The following ZBTB20 variants were observed in gnomAD, a reference collection of about 807,000 sequenced individuals.
The protein encoded by ZBTB20 is zinc finger and BTB domain-containing protein 20.
A neutral mutation model predicts 56.9 loss-of-function variants in ZBTB20; 9 were observed. That is an observed-to-expected ratio of 0.16 (90% CI 0.10 to 0.28). The LOEUF (loss-of-function observed/expected upper bound fraction) is 0.28, where lower values mean the gene tolerates loss of function less well. Ranked by LOEUF, ZBTB20 falls within the 10% of genes least tolerant of loss-of-function variation. The pLI, the probability that ZBTB20 is intolerant of heterozygous loss-of-function variation, is 1.00. For synonymous variants in ZBTB20, 417 were observed against 420.7 expected (o/e 0.99, Z 0.11); for missense variants, 655 against 1,003.0 (o/e 0.65, Z 4.69).
intron 4 of ZBTB20, among the ~76,000 whole-genome samples, chr3:114,807,645 C>A (rs965139325): frequency 6.6e-6 from 1 of 152,150 alleles, no homozygotes; most frequent in African/African-American, 2.4e-5. Context: ...TTCATAGATG[C>A]CCTTTGTCAG....
chr3:114,542,852 T>C (rs888074552), intron 6 of ZBTB20, among the ~76,000 whole-genome samples: 4 of 152,168 alleles, frequency 2.6e-5, no homozygotes, highest in African/African-American at 9.7e-5. Context: ...ACTGGTAACT[T>C]ACTGCACTGT....
chr3:115,145,610 C>T (rs1352698599), intron 1 of ZBTB20, among the ~76,000 whole-genome samples: 1 of 152,130 alleles, frequency 6.6e-6, no homozygotes, highest in Non-Finnish European at 1.5e-5. Flanking sequence ...CCCCCACACC[C>T]AAAATATTTT....
intron 1 of ZBTB20, among the ~76,000 whole-genome samples, chr3:115,097,604 G>A (rs1390047959): frequency 1.3e-5 from 2 of 152,122 alleles, no homozygotes; most frequent in African/African-American, 4.8e-5. Context: ...ACTTCTTAGA[G>A]CACTTCCTCA....
chr3:115,111,229 T>C (rs2083874004), intron 1 of ZBTB20, among the ~76,000 whole-genome samples: 1 of 152,012 alleles, frequency 6.6e-6, no homozygotes. Context: ...CTATGTGAAA[T>C]TTGAATATCA....
intron 7 of ZBTB20, among the ~76,000 whole-genome samples, chr3:114,484,026 G>A (rs1256482482): frequency 6.6e-6 from 1 of 151,930 alleles, no homozygotes; most frequent in Non-Finnish European, 1.5e-5. Flanking sequence ...TGACAAATTG[G>A]CACATGCACA....
At chr3:114,865,274 T>A (rs2075718829) in intron 4 of ZBTB20, among the ~76,000 whole-genome samples, 1 of 152,132 alleles carries the variant, frequency 6.6e-6, no homozygotes, top group South Asian at 2.1e-4. Flanking sequence ...CAAACACATT[T>A]GTCTAAAAAC....
intron 6 of ZBTB20, among the ~76,000 whole-genome samples, chr3:114,501,677 C>T (rs372970715): frequency 8.4e-5 from 12 of 143,594 alleles, no homozygotes; most frequent in African/African-American, 2.8e-4. Flanking sequence ...TAGGACTGGT[C>T]TGCCCATCAT....
intron 3 of ZBTB20, chr3:114,900,709 C>A (rs2075083542): frequency 6.6e-6 from 1 of 151,880 alleles, no homozygotes; most frequent in East Asian, 1.9e-4. Flanking sequence ...ACAAATATGA[C>A]TGCTGCTCTC....
At chr3:114,670,330 T>C (rs2061295345) in intron 6 of ZBTB20, among the ~76,000 whole-genome samples, 1 of 152,064 alleles carries the variant, frequency 6.6e-6, no homozygotes, top group Non-Finnish European at 1.5e-5. Flanking sequence ...AATCATATCT[T>C]ACTGAGGAGG....
At chr3:114,672,285 G>A (rs913284183) in intron 6 of ZBTB20, among the ~76,000 whole-genome samples, 3 of 152,022 alleles carry the variant, frequency 2.0e-5, no homozygotes, top group South Asian at 2.1e-4. Flanking sequence ...GCCCACTCAC[G>A]TAAACAGGAA....
At chr3:114,995,801 G>A (rs1375974450) in intron 2 of ZBTB20, among the ~76,000 whole-genome samples, 2 of 151,622 alleles carry the variant, frequency 1.3e-5, no homozygotes, top group Non-Finnish European at 2.9e-5. Flanking sequence ...TTATTTTGTA[G>A]GATACTAACC....
At chr3:114,797,576 A>G (rs2071414183) in intron 5 of ZBTB20, among the ~76,000 whole-genome samples, 1 of 151,984 alleles carries the variant, frequency 6.6e-6, no homozygotes, top group South Asian at 2.1e-4. Context: ...GAATTCCTTA[A>G]TAACAGAAAA....
intron 2 of ZBTB20, among the ~76,000 whole-genome samples, chr3:114,978,888 T>G (rs1268794887): frequency 6.6e-6 from 1 of 151,834 alleles, no homozygotes; most frequent in African/African-American, 2.4e-5. Flanking sequence ...AAAGAAAAAT[T>G]TAATTTATAT....
chr3:114,773,669 A>T (rs1236740126), intron 5 of ZBTB20, among the ~76,000 whole-genome samples: 1 of 152,190 alleles, frequency 6.6e-6, no homozygotes, highest in Non-Finnish European at 1.5e-5. Flanking sequence ...TCTCTTCAAC[A>T]GGAAAAATCT....
At chr3:115,046,127 T>C (rs2108413644) in intron 2 of ZBTB20, among the ~76,000 whole-genome samples, 1 of 152,290 alleles carries the variant, frequency 6.6e-6, no homozygotes, top group Admixed American at 6.5e-5. Context: ...GAGATGGCTC[T>C]GTCAGGTAGT....
intron 4 of ZBTB20, among the ~76,000 whole-genome samples, chr3:114,834,725 C>A (rs763492395): frequency 6.6e-6 from 1 of 152,034 alleles, no homozygotes; most frequent in African/African-American, 2.4e-5. Context: ...TGGACCCTCA[C>A]GCTCCTGAGA....
At position 115,043,306 on chromosome 3, in the gene ZBTB20, C is replaced by T. The variant is rs549459405; in HGVS notation, c.-507+27913G>A. 2.0e-5 allele frequency among the ~76,000 whole-genome samples: 3 copies of T among 152,068 alleles called. No homozygotes were observed. In the South Asian group the frequency reaches 6.2e-4, roughly 32 times the overall value. On this transcript the variant is annotated intron_variant, in intron 2 of 11. Coordinates refer to ENST00000675478, the MANE Select transcript of ZBTB20 (RefSeq NM_001348800.3). The stretch of plus-strand genomic sequence containing the variant: ...AGGCATGGTGGCTCACACCTGTAAT[C>T]CCAGCACTCTGGGAGGCCAAGGTGG...
intron 6 of ZBTB20, chr3:114,528,856 G>A (rs569230866): frequency 2.6e-5 from 4 of 152,136 alleles, no homozygotes; most frequent in South Asian, 2.1e-4. Flanking sequence ...AATTTCCTCC[G>A]ATGAAAGAAT....
intron 3 of ZBTB20, among the ~76,000 whole-genome samples, chr3:114,965,065 T>C (rs1299053483): frequency 6.6e-6 from 1 of 152,200 alleles, no homozygotes; most frequent in African/African-American, 2.4e-5. Flanking sequence ...AGAGAAGCTG[T>C]TAGGTTTATA....
Sources: gnomAD v4.1 joint callset for allele counts (sites outside exome capture counted in the v4.1 genomes callset) on GRCh38, gnomAD v4.1.1 for gene constraint, MANE v1.5 for transcripts, NCBI Gene and HGNC (gene_info 2026-07-23, HGNC 2026-07-21) for gene names.